The following ANLN variants were observed in gnomAD, a reference collection of about 807,000 sequenced individuals.
ANLN encodes the protein anillin, actin binding protein, also known as anillin.
In ANLN, 59 loss-of-function variants were observed where a neutral mutation model predicts 135.1. That is an observed-to-expected ratio of 0.44 (90% CI 0.35 to 0.54). The LOEUF (loss-of-function observed/expected upper bound fraction) is 0.54. Among genes scored for constraint, ANLN ranks in the 20% least tolerant of loss-of-function variants. The pLI is 0.00. For missense variants in ANLN, 1,182 were observed against 1,340.0 expected (o/e 0.88, Z 1.84); for synonymous variants, 406 against 456.4 (o/e 0.89, Z 1.41).
At chr7:36,441,201 T>C (rs3801307) in intron 21 of ANLN, among the ~76,000 whole-genome samples, 6,141 of 152,310 alleles carry the variant, frequency 0.04, 150 homozygotes, top group African/African-American at 0.06. Context: ...GGATAGGCTC[T>C]GTTAAGATAG....
At chr7:36,399,445 G>A (rs369081692) in intron 3 of ANLN, 52 bp downstream of exon 3, 7 of 1,432,388 alleles carry the variant, frequency 4.9e-6, no homozygotes, top group African/African-American at 2.9e-5. Context: ...ATAAGATTCA[G>A]TTTGGTATGT....
At chr7:36,443,124 C>A (rs1345877338) in intron 21 of ANLN, among the ~76,000 whole-genome samples, 3 of 152,190 alleles carry the variant, frequency 2.0e-5, no homozygotes, top group Admixed American at 2.0e-4. Context: ...TTCTATCCAG[C>A]ACTACTGCCT....
chr7:36,420,840 C>A (rs980049805), intron 12 of ANLN, 96 bp downstream of exon 12: 8 of 1,303,880 alleles, frequency 6.1e-6, no homozygotes, highest in Non-Finnish European at 8.6e-6. Context: ...ATCTCTGAAC[C>A]CTGAGTGGCC....
At chr7:36,400,444 C>T (rs1786897564) in intron 3 of ANLN, among the ~76,000 whole-genome samples, 1 of 152,074 alleles carries the variant, frequency 6.6e-6, no homozygotes. Context: ...ATTGCGACTT[C>T]CGCCTCTCAG....
Position 36,414,049 on chromosome 7 carries a change from G to A in ANLN, c.1396-1709G>A, listed in dbSNP as rs1562797489. ...AGAAAGAAAACTTTCGAGAAGGAAGGCATGGTTGGTATTGTTACGTTTCAA... is the reference window on the plus strand; with the variant it reads ...AGAAAGAAAACTTTCGAGAAGGAAGACATGGTTGGTATTGTTACGTTTCAA... On this transcript the variant is annotated intron_variant, in intron 7 of 23. Coordinates refer to ENST00000265748, the MANE Select transcript of ANLN (RefSeq NM_018685.5). 2.6e-5 allele frequency among the ~76,000 whole-genome samples: 4 copies of A among 152,110 alleles called. No individual in the cohort carries two copies. In the South Asian group the frequency reaches 8.3e-4, roughly 32 times the overall value.
rs899290977 is a variant in ANLN, at chr7:36,436,122, C to T, written c.2884-3082C>T. Among the ~76,000 whole-genome samples the T allele has an allele frequency of 2.6e-5, 4 of 152,182 alleles. No individual in the cohort carries two copies. In the East Asian group the frequency reaches 7.7e-4, roughly 29 times the overall value. On this transcript the variant is annotated intron_variant, in intron 20 of 23. Coordinates refer to ENST00000265748, the MANE Select transcript of ANLN (RefSeq NM_018685.5). ...TCATTAAGCAGTCTTTGCCCATCTT[C>T]CCTCCCCCGAGCCCCTGACAACCAT...
At chr7:36,437,584 T>C (rs1788596653) in intron 20 of ANLN, among the ~76,000 whole-genome samples, 1 of 152,096 alleles carries the variant, frequency 6.6e-6, no homozygotes, top group Admixed American at 6.5e-5. Context: ...TAGTTTTATT[T>C]TTTCATTTTT....
Position 36,426,907 on chromosome 7 carries a change from T to C in ANLN, c.2771-9T>C. On this transcript the variant is annotated splice_polypyrimidine_tract_variant and intron_variant, in intron 19 of 23. Transcript: ENST00000265748. Reference sequence around the variant, plus strand: ...TCTGAACTAAACTTAATTTCCTCGTTCTTCACAGTCATGGCCAGTCCAGGA... The same window carrying C: ...TCTGAACTAAACTTAATTTCCTCGTCCTTCACAGTCATGGCCAGTCCAGGA... The C allele has an allele frequency of 6.4e-7, 1 of 1,560,146 alleles. No individual in the cohort carries two copies.
intron 2 of ANLN, among the ~76,000 whole-genome samples, chr7:36,397,755 A>G (rs1443774573): frequency 1.3e-5 from 2 of 152,164 alleles, no homozygotes; most frequent in Non-Finnish European, 2.9e-5. Context: ...TCTACAAAAA[A>G]TACAAAAATT....
At chr7:36,433,147 T>A (rs1289042055) in intron 20 of ANLN, among the ~76,000 whole-genome samples, 3 of 152,204 alleles carry the variant, frequency 2.0e-5, no homozygotes, top group African/African-American at 7.2e-5. Flanking sequence ...AACTTTTATA[T>A]TTTTATAAAC....
chr7:36,446,019 T>C (rs918793076), intron 22 of ANLN, among the ~76,000 whole-genome samples: 5 of 152,208 alleles, frequency 3.3e-5, no homozygotes, highest in Admixed American at 2.6e-4. Context: ...TTATATTTTC[T>C]CTCGTATGAA....
chr7:36,393,179 A>G (rs955375869), intron 1 of ANLN, among the ~76,000 whole-genome samples: 1 of 152,050 alleles, frequency 6.6e-6, no homozygotes, highest in African/African-American at 2.4e-5. Flanking sequence ...ATGCACCACC[A>G]TAACTGGCTA....
chr7:36,411,638 G>A (rs902843998), intron 7 of ANLN, among the ~76,000 whole-genome samples: 2 of 152,180 alleles, frequency 1.3e-5, no homozygotes, highest in Admixed American at 1.3e-4. Flanking sequence ...AATGTAAGCT[G>A]TGTTCTGTTT....
Position 36,410,500 on chromosome 7 carries a change from T to C in ANLN, c.1097-14T>C, listed in dbSNP as rs752298942. 8.3e-6 allele frequency: 13 copies of C among 1,567,176 alleles called. No individual in the cohort carries two copies. Among genetic ancestry groups the C allele is most frequent in the Non-Finnish European group, 1.0e-5 (12 of 1,160,638 alleles). On this transcript the variant is annotated splice_polypyrimidine_tract_variant and intron_variant, in intron 5 of 23. Coordinates refer to ENST00000265748, the MANE Select transcript of ANLN (RefSeq NM_018685.5). ...ATTTTGAATAGCCTCCAAAAATGTG[T>C]GTGTTTTCTGTAGGAGGAACAGGAA...
At chr7:36,414,737 C>G (rs1787570316) in intron 7 of ANLN, among the ~76,000 whole-genome samples, 1 of 152,202 alleles carries the variant, frequency 6.6e-6, no homozygotes, top group Admixed American at 6.5e-5. Context: ...ATCCACTCAT[C>G]TGCATGCTAA....
In ANLN at chr7:36,420,608, A is replaced by G. The variant is rs1405915619; in HGVS notation, c.2027A>G (p.Tyr676Cys). ...DRDLLYSIDA[Y>C]RSQRFKETER... ...CTTACCTCTTGAAGCATTGATGCAT[A>G]TAGATCTCAAAGATTCAAAGAAACA... The change falls in exon 12 of 24, where the codon TAT becomes TGT. Residue 676 changes from tyrosine (Y) to cysteine (C), a missense_variant. Physicochemically the swap from Tyr to Cys is radical, Grantham distance 194. Transcript: ENST00000265748. The G allele has an allele frequency of 2.1e-5, 34 of 1,612,812 alleles. No individual in the cohort carries two copies. Among genetic ancestry groups the G allele is most frequent in the Non-Finnish European group, 2.9e-5 (34 of 1,178,938 alleles).
rs572676873 is a variant in ANLN, at chr7:36,452,993, GT to G, written c.*399del. On this transcript the variant is annotated 3_prime_UTR_variant, in exon 24 of 24. Transcript: ENST00000265748. ...AGAAACCCATTCTCCAATCTCAGTA[GT>G]TTTTTCGAAAGGCTGTGATCATTTA... 4.2e-3 allele frequency: 659 copies of G among 157,718 alleles called. 4 individuals carry two copies. Among genetic ancestry groups the G allele is most frequent in the Non-Finnish European group, 6.7e-3 (481 of 71,616 alleles). 9.8% of individuals were successfully genotyped at this position (157,718 alleles called of 1,614,324 possible). A position where few individuals can be genotyped will look rare whatever the true frequency, so the allele number is the denominator to read the frequency against.
chr7:36,428,694 A>T (rs1788187484), intron 20 of ANLN, among the ~76,000 whole-genome samples: 1 of 152,118 alleles, frequency 6.6e-6, no homozygotes, highest in African/African-American at 2.4e-5. Flanking sequence ...CCAATTAGTA[A>T]CTATATTTAA....
intron 20 of ANLN, among the ~76,000 whole-genome samples, chr7:36,431,986 A>G (rs1788350413): frequency 6.6e-6 from 1 of 152,072 alleles, no homozygotes; most frequent in Non-Finnish European, 1.5e-5. Flanking sequence ...CCAAAGTGGG[A>G]GGATCGTTTA....
Sources: gnomAD v4.1 joint callset for allele counts (sites outside exome capture counted in the v4.1 genomes callset) on GRCh38, gnomAD v4.1.1 for gene constraint, MANE v1.5 for transcripts, NCBI Gene and HGNC (gene_info 2026-07-23, HGNC 2026-07-21) for gene names.